ARHGAP44: variants seen among roughly 807,000 people sequenced by gnomAD.
ARHGAP44 encodes the protein Rho GTPase activating protein 44.
ARHGAP44 carries 43 observed loss-of-function variants against 106.8 expected under a neutral mutation model. The observed-to-expected ratio is 0.40, with a 90% CI of 0.32 to 0.52. The LOEUF is 0.52. ARHGAP44 is among the 20% of genes least tolerant of loss of function. The pLI is 0.48. For synonymous variants in ARHGAP44, 439 were observed against 410.3 expected (o/e 1.07, Z -0.85); for missense variants, 866 against 1,050.5 (o/e 0.82, Z 2.43).
intron 19 of ARHGAP44, among the ~76,000 whole-genome samples, chr17:12,983,297 C>CCA (rs1268763539): frequency 6.7e-6 from 1 of 149,922 alleles, no homozygotes; most frequent in Non-Finnish European, 1.5e-5. Context: ...GGAATCAGAC[C>CCA]CACACACAGC....
chr17:12,910,260 C>CTT (rs71369352), intron 4 of ARHGAP44, among the ~76,000 whole-genome samples: 5 of 132,878 alleles, frequency 3.8e-5, no homozygotes, highest in Non-Finnish European at 8.1e-5. Flanking sequence ...GGGGAGGAAA[C>CTT]TTTTTTTTTT....
chr17:12,792,578 C>G (rs1397941228), intron 1 of ARHGAP44, among the ~76,000 whole-genome samples: 1 of 152,170 alleles, frequency 6.6e-6, no homozygotes, highest in African/African-American at 2.4e-5. Context: ...CTGTTAATTT[C>G]TTAAATCAGT....
chr17:12,977,253 C>G (rs999414382), intron 18 of ARHGAP44, among the ~76,000 whole-genome samples: 3 of 152,102 alleles, frequency 2.0e-5, no homozygotes, highest in African/African-American at 7.2e-5. Context: ...GTTCTCTCCC[C>G]GCATGGGTTT....
chr17:12,980,466 A>G (rs1372817698), intron 19 of ARHGAP44, among the ~76,000 whole-genome samples: 2 of 152,192 alleles, frequency 1.3e-5, no homozygotes, highest in Admixed American at 1.3e-4. Context: ...AGTGCTTCCC[A>G]TACACCAAAT....
chr17:12,963,690 G>T (rs1460325847), intron 16 of ARHGAP44, among the ~76,000 whole-genome samples: 1 of 151,706 alleles, frequency 6.6e-6, no homozygotes, highest in Non-Finnish European at 1.5e-5. Context: ...CAGACAGGCC[G>T]GCCATGCACC....
intron 1 of ARHGAP44, among the ~76,000 whole-genome samples, chr17:12,876,797 G>T (rs962065453): frequency 1.3e-5 from 2 of 151,444 alleles, no homozygotes; most frequent in African/African-American, 2.4e-5. Flanking sequence ...TGTAATCCCA[G>T]CTACGTGGGA....
chr17:12,856,949 A>G (rs1355830683), intron 1 of ARHGAP44, among the ~76,000 whole-genome samples: 3 of 152,104 alleles, frequency 2.0e-5, no homozygotes, highest in African/African-American at 4.8e-5. Context: ...TGTAGTTTGT[A>G]TTCTGAAAAT....
intron 5 of ARHGAP44, among the ~76,000 whole-genome samples, chr17:12,918,556 G>A (rs1466644249): frequency 1.3e-5 from 2 of 152,122 alleles, no homozygotes; most frequent in Non-Finnish European, 2.9e-5. Context: ...GGAAGAACTC[G>A]TAGCCGAGAA....
At chr17:12,944,291 C>T (rs977269585) in intron 10 of ARHGAP44, 95 bp downstream of exon 10, 16 of 1,408,676 alleles carry the variant, frequency 1.1e-5, no homozygotes, top group African/African-American at 7.2e-5. Context: ...ATCTCCACTC[C>T]GGCCCCCACG....
chr17:12,978,674 T>A (rs2039755282), intron 18 of ARHGAP44, among the ~76,000 whole-genome samples: 2 of 141,866 alleles, frequency 1.4e-5, no homozygotes, highest in Non-Finnish European at 3.1e-5. Flanking sequence ...TGCCTTTTTT[T>A]TTTCTTTTCT....
At chr17:12,841,594 T>TCTCTCTCTCTCTCTCTCACACACACA (rs1417307080) in intron 1 of ARHGAP44, among the ~76,000 whole-genome samples, 16 of 126,568 alleles carry the variant, frequency 1.3e-4, no homozygotes, top group African/African-American at 4.9e-4. Context: ...TGTCTCTCTC[T>TCTCTCTCTCTCTCTCTCACACACACA]CACACACACA....
intron 3 of ARHGAP44, among the ~76,000 whole-genome samples, chr17:12,906,145 C>G (rs2037538924): frequency 1.3e-5 from 2 of 152,182 alleles, no homozygotes. Flanking sequence ...GAACCAATAC[C>G]TTAAGTTATG....
chr17:12,855,728 C>T (rs1298222295), intron 1 of ARHGAP44, among the ~76,000 whole-genome samples: 2 of 152,136 alleles, frequency 1.3e-5, no homozygotes, highest in East Asian at 3.8e-4. Flanking sequence ...TGTCTGTCTA[C>T]AGAAGTCCAA....
chr17:12,793,614 G>A (rs1012953212), intron 1 of ARHGAP44, among the ~76,000 whole-genome samples: 4 of 152,172 alleles, frequency 2.6e-5, no homozygotes, highest in Middle Eastern at 3.4e-3. Flanking sequence ...AGTCTGAGGC[G>A]GGAGAATCGC....
chr17:12,859,071 G>A (rs553140498), intron 1 of ARHGAP44, among the ~76,000 whole-genome samples: 1 of 152,288 alleles, frequency 6.6e-6, no homozygotes, highest in East Asian at 1.9e-4. Flanking sequence ...TGAGATTTGG[G>A]TGGGGACACA....
intron 8 of ARHGAP44, 95 bp from the exon 9 acceptor site, chr17:12,943,493 A>T: frequency 9.0e-7 from 1 of 1,115,198 alleles, no homozygotes; most frequent in South Asian, 1.3e-5. Context: ...CTCCTTCCGC[A>T]TGTGGAAGCA....
chr17:12,952,522 G>A lies in ARHGAP44; in HGVS notation c.1077G>A (p.Lys359=), dbSNP rs750408588. ...TCAGTGTCCAGGAGCAAGACAAGAAGCTTCAGGCTCTATGGAATGCTTGTG... is the reference window on the plus strand; with the variant it reads ...TCAGTGTCCAGGAGCAAGACAAGAAACTTCAGGCTCTATGGAATGCTTGTG... ...QASNVQEQDK[K]LQALWNACEK... is the part of the protein sequence containing the mutation. The change falls in exon 13 of 21, where the codon AAG becomes AAA. Residue 359 remains lysine, a synonymous_variant. Transcript: ENST00000379672. 5.7e-6 allele frequency: 9 copies of A among 1,581,108 alleles called. No individual in the cohort carries two copies. The highest frequency in any genetic ancestry group is 7.7e-6 in the Non-Finnish European group (9 of 1,162,934).
intron 1 of ARHGAP44, among the ~76,000 whole-genome samples, chr17:12,879,659 G>GTATATATGTATTATATGTATA (rs2036661591): frequency 1.3e-5 from 2 of 148,630 alleles, no homozygotes; most frequent in Admixed American, 1.3e-4. Context: ...TTTTATGTAT[G>GTATATATGTATTATATGTATA]TATAAATATA....
chr17:12,855,987 G>C (rs545517033), intron 1 of ARHGAP44, among the ~76,000 whole-genome samples: 1 of 152,184 alleles, frequency 6.6e-6, no homozygotes, highest in Non-Finnish European at 1.5e-5. Flanking sequence ...TCTGCTTTAA[G>C]AAAAAGTAAG....
Sources: gnomAD v4.1 joint callset for allele counts (sites outside exome capture counted in the v4.1 genomes callset) on GRCh38, gnomAD v4.1.1 for gene constraint, MANE v1.5 for transcripts, NCBI Gene and HGNC (gene_info 2026-07-23, HGNC 2026-07-21) for gene names.